AGTPBP1: variants seen among roughly 807,000 people sequenced by gnomAD.
The protein encoded by AGTPBP1 is ATP/GTP binding carboxypeptidase 1.
A neutral mutation model predicts 143.9 loss-of-function variants in AGTPBP1; 70 were observed. The ratio of observed to expected loss-of-function variants is 0.49; its 90% confidence interval spans 0.40 to 0.59. The LOEUF is 0.59. Among genes scored for constraint, AGTPBP1 ranks in the 20% least tolerant of loss-of-function variants. AGTPBP1 has a pLI of 0.00. For synonymous variants in AGTPBP1, 463 were observed against 500.2 expected, an observed-to-expected ratio of 0.93 and a Z score of 0.99; for missense variants, 1,229 against 1,464.5, an observed-to-expected ratio of 0.84 and a Z score of 2.62.
At chr9:85,583,552 T>C (rs79611357) in intron 23 of AGTPBP1, among the ~76,000 whole-genome samples, 2,189 of 152,238 alleles carry the variant, frequency 0.014, 29 homozygotes, top group Non-Finnish European at 0.022. Flanking sequence ...AATTAAAGCA[T>C]CATCTTACAT....
the AGTPBP1 span, among the ~76,000 whole-genome samples, chr9:85,776,244 G>A: frequency 6.6e-6 from 1 of 152,206 alleles, no homozygotes; most frequent in African/African-American, 2.4e-5. Context: ...CTTAGTACAA[G>A]TGTATACATG....
chr9:85,591,300 A>T (rs1246448506), intron 19 of AGTPBP1, among the ~76,000 whole-genome samples: 1 of 152,044 alleles, frequency 6.6e-6, no homozygotes, highest in African/African-American at 2.4e-5. Flanking sequence ...GTATTTTATG[A>T]TAAGATTAGC....
At chr9:85,760,569 GC>G in the AGTPBP1 span, among the ~76,000 whole-genome samples, 1 of 152,074 alleles carries the variant, frequency 6.6e-6, no homozygotes, top group Non-Finnish European at 1.5e-5. Context: ...AAATTCAACA[GC>G]CCTTCATGCT....
At chr9:85,777,849 A>G in the AGTPBP1 span, among the ~76,000 whole-genome samples, 7 of 152,202 alleles carry the variant, frequency 4.6e-5, no homozygotes, top group African/African-American at 1.7e-4. Context: ...AAAGTGCACA[A>G]CCAGGTGCAC....
At chr9:85,772,965 T>C in the AGTPBP1 span, among the ~76,000 whole-genome samples, 9 of 152,000 alleles carry the variant, frequency 5.9e-5, no homozygotes, top group Admixed American at 3.3e-4. Context: ...AGCAACAATA[T>C]ATTAAAAATG....
chr9:85,764,728 G>A, the AGTPBP1 span: 1 of 1,240,246 alleles, frequency 8.1e-7, no homozygotes, highest in Admixed American at 1.7e-5. Context: ...CAGATAGTTT[G>A]AAAGTATCAA....
At chr9:85,625,916 T>TG (rs1290993337) in intron 14 of AGTPBP1, among the ~76,000 whole-genome samples, 4 of 149,078 alleles carry the variant, frequency 2.7e-5, no homozygotes, top group East Asian at 3.9e-4. Flanking sequence ...TTTTTTTTTT[T>TG]TTTTTTTTAG....
chr9:85,583,372 CAACCCTG>C (rs2133140443), intron 23 of AGTPBP1, among the ~76,000 whole-genome samples: 1 of 152,174 alleles, frequency 6.6e-6, no homozygotes, highest in African/African-American at 2.4e-5. Context: ...ACCTGCCCTA[CAACCCTG>C]GAAATGTAAG....
chr9:85,790,077 T>C, the AGTPBP1 span, among the ~76,000 whole-genome samples: 1 of 152,204 alleles, frequency 6.6e-6, no homozygotes, highest in Non-Finnish European at 1.5e-5. Context: ...TTATGTATAT[T>C]TTAAACATTT....
At chr9:85,798,130 G>A in the AGTPBP1 span, among the ~76,000 whole-genome samples, 5 of 148,052 alleles carry the variant, frequency 3.4e-5, no homozygotes, top group African/African-American at 1.3e-4. Context: ...TCAAACTTCT[G>A]GCCTAAAGTG....
At chr9:85,786,890 T>C in the AGTPBP1 span, among the ~76,000 whole-genome samples, 401 of 152,332 alleles carry the variant, frequency 2.6e-3, 3 homozygotes, top group Non-Finnish European at 3.7e-3. Context: ...TAGACTAAAA[T>C]ATCTATCAAG....
chr9:85,691,487 G>A (rs1835868405), intron 3 of AGTPBP1, among the ~76,000 whole-genome samples: 1 of 151,070 alleles, frequency 6.6e-6, no homozygotes, highest in African/African-American at 2.4e-5. Context: ...TATGTGCACT[G>A]TTAAATATTA....
chr9:85,613,828 A>C (rs1027375140), intron 17 of AGTPBP1, among the ~76,000 whole-genome samples: 18 of 152,266 alleles, frequency 1.2e-4, no homozygotes, highest in Admixed American at 9.8e-4. Flanking sequence ...TGTCTAACTT[A>C]TGATGTAAAA....
the AGTPBP1 span, among the ~76,000 whole-genome samples, chr9:85,799,015 T>C: frequency 6.6e-6 from 1 of 152,126 alleles, no homozygotes; most frequent in Non-Finnish European, 1.5e-5. Context: ...TGGTGTATGA[T>C]GTTCCCCGCC....
chr9:85,764,626 T>C, the AGTPBP1 span: 3 of 599,418 alleles, frequency 5.0e-6, no homozygotes, highest in Non-Finnish European at 9.0e-6. Context: ...TTTAGCAATT[T>C]TCTCTATGTT....
intron 12 of AGTPBP1, among the ~76,000 whole-genome samples, chr9:85,643,647 G>A (rs571232513): frequency 6.6e-6 from 1 of 152,260 alleles, no homozygotes; most frequent in South Asian, 2.1e-4. Flanking sequence ...AGCCAGAAAT[G>A]ATTTCCATGT....
chr9:85,710,676 TACA>T (rs527633138), intron 2 of AGTPBP1, among the ~76,000 whole-genome samples: 71 of 151,058 alleles, frequency 4.7e-4, no homozygotes, highest in South Asian at 8.3e-4. Context: ...TTAGTTACCC[TACA>T]ACAACAACAA....
chr9:85,661,306 A>G (rs1334419021), intron 8 of AGTPBP1, among the ~76,000 whole-genome samples: 1 of 152,144 alleles, frequency 6.6e-6, no homozygotes, highest in Admixed American at 6.6e-5. Flanking sequence ...AGAGTTAACA[A>G]AGGAACCACA....
chr9:85,702,565 T>G (rs1395714732), intron 2 of AGTPBP1, among the ~76,000 whole-genome samples: 2 of 139,306 alleles, frequency 1.4e-5, no homozygotes, highest in Admixed American at 7.2e-5. Context: ...ACATCATCAG[T>G]TTTTTTTTTT....
Sources: allele counts gnomAD v4.1 joint callset (sites outside exome capture counted in the v4.1 genomes callset), GRCh38; gene constraint gnomAD v4.1.1; transcripts MANE v1.5; gene names NCBI Gene and HGNC (gene_info 2026-07-23, HGNC 2026-07-21).